Variants in LARGE1 observed in about 807,000 individuals in gnomAD.
The protein encoded by LARGE1 is xylosyl- and glucuronyltransferase LARGE1.
Under a neutral mutation model 87.6 loss-of-function variants are expected in LARGE1, and 43 were observed. The observed-to-expected ratio is 0.49, with a 90% CI of 0.38 to 0.63. LARGE1 has a LOEUF of 0.63. Among genes scored for constraint, LARGE1 ranks in the 30% least tolerant of loss-of-function variants. The pLI is 0.00. For synonymous variants in LARGE1, 434 were observed against 394.6 expected, an observed-to-expected ratio of 1.10 and a Z score of -1.18; for missense variants, 802 against 1,000.2, an observed-to-expected ratio of 0.80 and a Z score of 2.67.
chr22:33,551,048 G>T (rs2077509394), intron 6 of LARGE1, among the ~76,000 whole-genome samples: 1 of 152,066 alleles, frequency 6.6e-6, no homozygotes. Flanking sequence ...AACTCAGAAG[G>T]GTAAAGGGAT....
rs2053230239 is a variant in LARGE1 at position 33,650,672 on chromosome 22, G to A, written c.107-4C>T. ...GACAGAGACACGGGCTTTCCATCTG[G>A]GGAGCGAAACACCAGGGAAGCTTTA... On this transcript the variant is annotated splice_polypyrimidine_tract_variant and splice_region_variant and intron_variant, in intron 2 of 14. Coordinates refer to ENST00000397394, the MANE Select transcript of LARGE1 (RefSeq NM_133642.5). 6.3e-7 allele frequency: 1 copy of A among 1,599,296 alleles called. No individual in the cohort carries two copies. Among genetic ancestry groups the A allele is most frequent in the Non-Finnish European group, 8.5e-7 (1 of 1,179,936 alleles).
At chr22:33,561,189 C>G (rs1328243796) in intron 6 of LARGE1, among the ~76,000 whole-genome samples, 3 of 152,184 alleles carry the variant, frequency 2.0e-5, no homozygotes, top group African/African-American at 7.2e-5. Context: ...TTAGCTTTCC[C>G]TCTGTTTTAC....
chr22:33,247,452 G>A (rs182105457), intron 11 of LARGE1, among the ~76,000 whole-genome samples: 140 of 152,268 alleles, frequency 9.2e-4, no homozygotes, highest in African/African-American at 3.1e-3. Context: ...AGAAACTAAT[G>A]ATATATTATT....
At chr22:33,428,322 T>C (rs1466443667) in intron 7 of LARGE1, among the ~76,000 whole-genome samples, 1 of 150,206 alleles carries the variant, frequency 6.7e-6, no homozygotes, top group Non-Finnish European at 1.5e-5. Flanking sequence ...TTATGTCTTT[T>C]TTTTTTTTTT....
intron 5 of LARGE1, among the ~76,000 whole-genome samples, chr22:33,566,965 G>A (rs2078046643): frequency 6.6e-6 from 1 of 152,160 alleles, no homozygotes; most frequent in South Asian, 2.1e-4. Flanking sequence ...CCAACTCTGT[G>A]TATGAGTCCC....
intron 2 of LARGE1, among the ~76,000 whole-genome samples, chr22:33,668,466 T>C (rs2081324346): frequency 1.3e-5 from 2 of 152,238 alleles, no homozygotes; most frequent in Admixed American, 1.3e-4. Context: ...AGATAAGGGC[T>C]TGACAACTTA....
intron 6 of LARGE1, among the ~76,000 whole-genome samples, chr22:33,465,212 A>G (rs549317407): frequency 6.6e-6 from 1 of 152,380 alleles, no homozygotes; most frequent in African/African-American, 2.4e-5. Flanking sequence ...AAGTATTAAT[A>G]TAGAATGCTT....
At chr22:33,334,365 C>T (rs1464657032) in intron 10 of LARGE1, among the ~76,000 whole-genome samples, 5 of 141,584 alleles carry the variant, frequency 3.5e-5, no homozygotes, top group African/African-American at 1.4e-4. Flanking sequence ...GAGCTGAGAT[C>T]GCGCCACTGC....
At chr22:33,360,240 G>T (rs1264275688) in intron 9 of LARGE1, among the ~76,000 whole-genome samples, 1 of 149,406 alleles carries the variant, frequency 6.7e-6, no homozygotes, top group Admixed American at 6.6e-5. Flanking sequence ...TTGAACCTGG[G>T]AGGTGGAGGT....
chr22:33,159,043 C>T (rs1407964847), downstream of LARGE1, among the ~76,000 whole-genome samples: 4 of 152,118 alleles, frequency 2.6e-5, no homozygotes, highest in Non-Finnish European at 5.9e-5. Context: ...TCCCTATAAT[C>T]AAATATATCA....
intron 10 of LARGE1, among the ~76,000 whole-genome samples, chr22:33,327,562 A>G (rs1937348495): frequency 1.3e-5 from 2 of 152,168 alleles, no homozygotes; most frequent in South Asian, 2.1e-4. Flanking sequence ...AAAATCATAG[A>G]TCTGGTCTAG....
intron 2 of LARGE1, among the ~76,000 whole-genome samples, chr22:33,674,972 A>G (rs1375833576): frequency 3.4e-5 from 5 of 147,636 alleles, no homozygotes; most frequent in Non-Finnish European, 6.0e-5. Flanking sequence ...AGGGGCTCAG[A>G]AAAAAAAAAA....
chr22:33,199,205 G>GTTTT, intron 11 of LARGE1, among the ~76,000 whole-genome samples: 1 of 99,048 alleles, frequency 1.0e-5, no homozygotes, highest in African/African-American at 3.8e-5. Context: ...GCTGTTTGAG[G>GTTTT]TTTTTTTTTT....
chr22:33,813,938 A>T (rs1352253062), intron 1 of LARGE1, among the ~76,000 whole-genome samples: 2 of 152,020 alleles, frequency 1.3e-5, no homozygotes, highest in African/African-American at 4.8e-5. Flanking sequence ...CATGCCAGAG[A>T]TACTCCACAC....
At chr22:33,803,441 T>C (rs988214577) in intron 1 of LARGE1, among the ~76,000 whole-genome samples, 1 of 152,186 alleles carries the variant, frequency 6.6e-6, no homozygotes, top group Non-Finnish European at 1.5e-5. Flanking sequence ...ATGGAATTCA[T>C]AGCTCCGTAA....
At chr22:33,446,905 T>C (rs908116901) in intron 6 of LARGE1, among the ~76,000 whole-genome samples, 8 of 152,170 alleles carry the variant, frequency 5.3e-5, no homozygotes, top group African/African-American at 1.9e-4. Flanking sequence ...TGTTTGTTTG[T>C]GTTTTTGAGA....
intron 2 of LARGE1, among the ~76,000 whole-genome samples, chr22:33,731,877 T>C (rs2083480804): frequency 6.6e-6 from 1 of 152,010 alleles, no homozygotes; most frequent in African/African-American, 2.4e-5. Context: ...ATAAAGTCGT[T>C]TTAAAAACAA....
intron 6 of LARGE1, among the ~76,000 whole-genome samples, chr22:33,470,419 C>T (rs955682405): frequency 1.3e-5 from 2 of 152,184 alleles, no homozygotes; most frequent in African/African-American, 2.4e-5. Context: ...TTCAAGTGAA[C>T]ATTTATGATG....
intron 1 of LARGE1, among the ~76,000 whole-genome samples, chr22:33,761,811 C>A (rs184825118): frequency 6.6e-6 from 1 of 152,102 alleles, no homozygotes; most frequent in African/African-American, 2.4e-5. Context: ...CACATACACA[C>A]GCACAATTTA....
Sources: gnomAD v4.1 joint callset for allele counts (sites outside exome capture counted in the v4.1 genomes callset) on GRCh38, gnomAD v4.1.1 for gene constraint, MANE v1.5 for transcripts, NCBI Gene and HGNC (gene_info 2026-07-23, HGNC 2026-07-21) for gene names.